Variants in FOXN2 observed in about 807,000 individuals in gnomAD.
FOXN2 encodes the protein forkhead box protein N2.
Under a neutral mutation model 41.2 loss-of-function variants are expected in FOXN2, and 19 were observed. The ratio of observed to expected loss-of-function variants is 0.46; its 90% CI spans 0.32 to 0.68. FOXN2 has a LOEUF of 0.68. FOXN2 is among the 30% of genes least tolerant of loss of function. The pLI is 0.03. For synonymous variants in FOXN2, 195 were observed against 176.8 expected, an observed-to-expected ratio of 1.10 and a Z score of -0.82; for missense variants, 587 against 509.4, an observed-to-expected ratio of 1.15 and a Z score of -1.47.
chr2:48,356,272 C>G (rs952471384), intron 3 of FOXN2, among the ~76,000 whole-genome samples: 2 of 152,130 alleles, frequency 1.3e-5, no homozygotes, highest in African/African-American at 4.8e-5. Flanking sequence ...GGAACCCTGT[C>G]TCTACTAAAA....
At chr2:48,342,433 A>G (rs1051736887) in intron 2 of FOXN2, among the ~76,000 whole-genome samples, 8 of 152,196 alleles carry the variant, frequency 5.3e-5, no homozygotes, top group Admixed American at 3.3e-4. Flanking sequence ...TTATTTCACA[A>G]AAGTGACACA....
At chr2:48,362,931 A>G (rs1672289975) in intron 5 of FOXN2, among the ~76,000 whole-genome samples, 1 of 152,218 alleles carries the variant, frequency 6.6e-6, no homozygotes, top group African/African-American at 2.4e-5. Context: ...CTGTAAAAGT[A>G]TAGCACGTAG....
intron 2 of FOXN2, among the ~76,000 whole-genome samples, chr2:48,336,265 G>A (rs977247412): frequency 4.6e-5 from 7 of 151,384 alleles, no homozygotes; most frequent in East Asian, 1.9e-4. Flanking sequence ...TAAAAAAGCC[G>A]GGTGTGGTGG....
At chr2:48,362,776 A>G (rs1672278982) in intron 5 of FOXN2, 69 bp downstream of exon 5, 2 of 1,248,708 alleles carry the variant, frequency 1.6e-6, no homozygotes, top group South Asian at 1.2e-5. Flanking sequence ...GCAGTGCATA[A>G]CAATGGTGGT....
intron 2 of FOXN2, among the ~76,000 whole-genome samples, chr2:48,332,654 AG>A (rs1387153829): frequency 6.6e-6 from 1 of 152,206 alleles, no homozygotes; most frequent in Non-Finnish European, 1.5e-5. Context: ...TTATATTTGG[AG>A]GTTATAATAT....
intron 5 of FOXN2, 26 bp downstream of exon 5, chr2:48,362,733 T>G (rs377726312): frequency 6.3e-7 from 1 of 1,579,022 alleles, no homozygotes; most frequent in Non-Finnish European, 8.7e-7. Context: ...AGTACAGTCA[T>G]GCACCACACA....
Position 48,358,941 on chromosome 2 carries a change from CA to C in FOXN2, c.538-102del, listed in dbSNP as rs1671983821. 1.5e-5 allele frequency: 12 copies of C among 795,694 alleles called. No homozygotes were observed. The South Asian group carries it at 2.1e-4, about 14-fold the overall frequency. The allele number at this position is 795,694 out of a possible 1,614,324, so 49.3% of individuals were successfully genotyped here. Reference sequence around the variant, plus strand: ...CTCACTTCAACCTTAGTTTCATACTCAAAAGGTGCTAGAGATTATTTACCCC... The same window carrying C: ...CTCACTTCAACCTTAGTTTCATACTCAAAGGTGCTAGAGATTATTTACCCC... On this transcript the variant is annotated intron_variant, in intron 3 of 6. Coordinates refer to ENST00000340553, the MANE Select transcript of FOXN2 (RefSeq NM_002158.4).
chr2:48,313,704 T>C (rs1291627446), upstream of FOXN2, among the ~76,000 whole-genome samples: 1 of 152,220 alleles, frequency 6.6e-6, no homozygotes, highest in African/African-American at 2.4e-5. Flanking sequence ...GACGGGTCAT[T>C]TTTCTAAGTC....
At chr2:48,339,607 C>G (rs1670605809) in intron 2 of FOXN2, among the ~76,000 whole-genome samples, 1 of 152,120 alleles carries the variant, frequency 6.6e-6, no homozygotes. Context: ...CAGTAGTCAT[C>G]AGATTGGCAA....
intron 5 of FOXN2, among the ~76,000 whole-genome samples, chr2:48,370,700 A>G (rs543951805): frequency 6.6e-6 from 1 of 152,052 alleles, no homozygotes; most frequent in Admixed American, 6.6e-5. Context: ...TATATTGTAG[A>G]TGTTAATCCC....
intron 3 of FOXN2, among the ~76,000 whole-genome samples, chr2:48,351,154 G>T (rs762677047): frequency 6.6e-6 from 1 of 151,994 alleles, no homozygotes; most frequent in Non-Finnish European, 1.5e-5. Context: ...TAGAGACAGG[G>T]TTTTGCCATG....
intron 4 of FOXN2, 64 bp downstream of exon 4, chr2:48,359,211 A>G: frequency 9.1e-7 from 1 of 1,094,346 alleles, no homozygotes; most frequent in Non-Finnish European, 1.4e-6. Context: ...AGATGGAGAA[A>G]CTTAAAGGTC....
chr2:48,343,473 T>C (rs140410741), intron 2 of FOXN2, among the ~76,000 whole-genome samples: 7 of 152,316 alleles, frequency 4.6e-5, no homozygotes, highest in Non-Finnish European at 8.8e-5. Flanking sequence ...AAAACTCTTA[T>C]CCCAGCTAGG....
chr2:48,352,359 G>A (rs1196726681), intron 3 of FOXN2, among the ~76,000 whole-genome samples: 1 of 152,092 alleles, frequency 6.6e-6, no homozygotes. Context: ...GACATGATTA[G>A]CTCTGGGAAT....
upstream of FOXN2, among the ~76,000 whole-genome samples, chr2:48,313,913 A>G (rs1668706216): frequency 6.6e-6 from 1 of 152,238 alleles, no homozygotes; most frequent in Non-Finnish European, 1.5e-5. Flanking sequence ...GCTCTCCTGT[A>G]TTTCGTGTGG....
chr2:48,360,406 C>T (rs1185485346), intron 4 of FOXN2, among the ~76,000 whole-genome samples: 1 of 152,082 alleles, frequency 6.6e-6, no homozygotes, highest in Non-Finnish European at 1.5e-5. Context: ...CTCCCAGCTG[C>T]AGCAATCATC....
At chr2:48,320,096 T>C (rs1295324929) in intron 1 of FOXN2, among the ~76,000 whole-genome samples, 1 of 152,116 alleles carries the variant, frequency 6.6e-6, no homozygotes, top group Non-Finnish European at 1.5e-5. Context: ...AAGAGGTTTC[T>C]TATAATTAAG....
intron 6 of FOXN2, among the ~76,000 whole-genome samples, chr2:48,374,053 G>A (rs1673078429): frequency 6.6e-6 from 1 of 150,900 alleles, no homozygotes; most frequent in South Asian, 2.1e-4. Context: ...CTGAGGGACA[G>A]AGTGAGACTC....
At chr2:48,338,216 A>G (rs181658985) in intron 2 of FOXN2, among the ~76,000 whole-genome samples, 4 of 152,330 alleles carry the variant, frequency 2.6e-5, no homozygotes, top group East Asian at 3.9e-4. Flanking sequence ...CGATCAGAGA[A>G]GAAATGCTGG....
Sources: allele counts gnomAD v4.1 joint callset (sites outside exome capture counted in the v4.1 genomes callset), GRCh38; gene constraint gnomAD v4.1.1; transcripts MANE v1.5; gene names NCBI Gene and HGNC (gene_info 2026-07-23, HGNC 2026-07-21).